The following ZBTB20 variants were observed in gnomAD, a reference collection of about 807,000 sequenced individuals.
ZBTB20 encodes zinc finger and BTB domain containing 20.
Under a neutral mutation model 56.9 loss-of-function variants are expected in ZBTB20, and 9 were observed. The observed-to-expected ratio is 0.16, with a 90% confidence interval of 0.10 to 0.28. The LOEUF (loss-of-function observed/expected upper bound fraction) is 0.28, where lower values mean the gene tolerates loss of function less well. Among genes scored for constraint, ZBTB20 ranks in the 10% least tolerant of loss-of-function variants. The pLI, the probability that ZBTB20 is intolerant of heterozygous loss-of-function variation, is 1.00. For missense variants in ZBTB20, 655 were observed against 1,003.0 expected (o/e 0.65, Z 4.69); for synonymous variants, 417 against 420.7 (o/e 0.99, Z 0.11).
intron 7 of ZBTB20, among the ~76,000 whole-genome samples, chr3:114,487,341 A>G (rs2042252482): frequency 6.6e-6 from 1 of 152,182 alleles, no homozygotes; most frequent in South Asian, 2.1e-4. Context: ...GTTCAGGTAG[A>G]GGATAAGCCA....
intron 5 of ZBTB20, among the ~76,000 whole-genome samples, chr3:114,707,601 A>G (rs16823111): frequency 6.6e-6 from 1 of 152,176 alleles, no homozygotes; most frequent in Non-Finnish European, 1.5e-5. Context: ...AAGCTACCAC[A>G]TGAAGGACCC....
chr3:114,525,563 A>T (rs1350906096), intron 6 of ZBTB20, among the ~76,000 whole-genome samples: 1 of 151,984 alleles, frequency 6.6e-6, no homozygotes, highest in Non-Finnish European at 1.5e-5. Flanking sequence ...AGGCCTGCTG[A>T]TTTCTCCCTC....
At chr3:114,975,790 G>A (rs1450762587) in intron 2 of ZBTB20, among the ~76,000 whole-genome samples, 2 of 152,118 alleles carry the variant, frequency 1.3e-5, no homozygotes, top group African/African-American at 4.8e-5. Flanking sequence ...AATTAATTTG[G>A]TAACTACATG....
At chr3:114,787,360 T>C (rs902398833) in intron 5 of ZBTB20, among the ~76,000 whole-genome samples, 1,741 of 96,122 alleles carry the variant, frequency 0.018, 104 homozygotes, top group East Asian at 0.14. Flanking sequence ...TATATATATA[T>C]ATATATATAC....
intron 2 of ZBTB20, among the ~76,000 whole-genome samples, chr3:115,014,293 G>A (rs1162726383): frequency 2.6e-5 from 4 of 151,516 alleles, no homozygotes; most frequent in Admixed American, 6.6e-5. Context: ...GGGAGAAGTG[G>A]GGATGGTTAA....
At chr3:114,545,548 A>G (rs1426501022) in intron 6 of ZBTB20, among the ~76,000 whole-genome samples, 1 of 152,202 alleles carries the variant, frequency 6.6e-6, no homozygotes, top group Non-Finnish European at 1.5e-5. Context: ...TAAATTAGGG[A>G]TAACAATATC....
At chr3:114,534,546 TCTAA>T (rs995417388) in intron 6 of ZBTB20, among the ~76,000 whole-genome samples, 10 of 152,114 alleles carry the variant, frequency 6.6e-5, no homozygotes, top group African/African-American at 2.4e-4. Context: ...AGTGGGAGAC[TCTAA>T]CAGCCCACTG....
chr3:114,378,910 T>A (rs2083982442), intron 10 of ZBTB20: 1 of 152,290 alleles, frequency 6.6e-6, no homozygotes, highest in Non-Finnish European at 1.5e-5. Context: ...CAACTTCGAC[T>A]GTTCAAATCA....
At chr3:114,673,556 C>G (rs1239487033) in intron 6 of ZBTB20, among the ~76,000 whole-genome samples, 1 of 151,946 alleles carries the variant, frequency 6.6e-6, no homozygotes, top group African/African-American at 2.4e-5. Flanking sequence ...AAACTGTTAT[C>G]ACGAAAAAGG....
intron 2 of ZBTB20, among the ~76,000 whole-genome samples, chr3:115,067,009 A>G (rs2082231611): frequency 6.6e-6 from 1 of 152,068 alleles, no homozygotes; most frequent in Non-Finnish European, 1.5e-5. Context: ...AGTACATTAA[A>G]TTATTATTCA....
intron 10 of ZBTB20, among the ~76,000 whole-genome samples, chr3:114,353,543 A>G (rs895837346): frequency 6.6e-6 from 1 of 152,190 alleles, no homozygotes; most frequent in Non-Finnish European, 1.5e-5. Context: ...GTTTTTACTT[A>G]TATAAGACAA....
chr3:114,856,953 G>A (rs537502117), intron 4 of ZBTB20, among the ~76,000 whole-genome samples: 7 of 152,114 alleles, frequency 4.6e-5, no homozygotes, highest in Admixed American at 1.3e-4. Context: ...GTCATGATAG[G>A]GCTGTAATAT....
In ZBTB20 at chr3:115,069,250, C is replaced by T. The variant is rs140464617; in HGVS notation, c.-507+1969G>A. The stretch of plus-strand genomic sequence containing the variant: ...TATTAGAATCAGTGTTCTACTACCA[C>T]ACAACTATTCTAGCTTAGCTAACAG... On this transcript the variant is annotated intron_variant, in intron 2 of 11. Coordinates refer to ENST00000675478, the MANE Select transcript of ZBTB20 (RefSeq NM_001348800.3). Among the ~76,000 whole-genome samples, 626 of 152,274 alleles carry T rather than the reference C, an allele frequency of 4.1e-3. 4 individuals are homozygous for T. Among genetic ancestry groups the T allele is most frequent in the African/African-American group, 0.014 (594 of 41,568 alleles).
intron 5 of ZBTB20, among the ~76,000 whole-genome samples, chr3:114,749,447 G>A (rs975213258): frequency 2.0e-5 from 3 of 152,038 alleles, no homozygotes; most frequent in African/African-American, 4.8e-5. Context: ...TGGCTACTTG[G>A]GAGGCAGAGG....
intron 1 of ZBTB20, among the ~76,000 whole-genome samples, chr3:115,143,954 T>TC (rs150573003): frequency 6.6e-6 from 1 of 152,156 alleles, no homozygotes; most frequent in Admixed American, 6.5e-5. Context: ...AAAAATCTCC[T>TC]CCCCTAACAA....
At chr3:114,805,566 C>A (rs910169413) in intron 4 of ZBTB20, among the ~76,000 whole-genome samples, 1 of 151,758 alleles carries the variant, frequency 6.6e-6, no homozygotes, top group Non-Finnish European at 1.5e-5. Context: ...AGGAGAATGT[C>A]TGCCAGGTTT....
intron 6 of ZBTB20, among the ~76,000 whole-genome samples, chr3:114,560,779 G>A (rs1040011134): frequency 6.6e-6 from 1 of 152,116 alleles, no homozygotes; most frequent in Non-Finnish European, 1.5e-5. Context: ...GAAGCTTGGG[G>A]TGGCTGTGGT....
chr3:114,463,814 C>T lies in ZBTB20; in HGVS notation c.-255+36538G>A, dbSNP rs569345223. 2.6e-5 allele frequency among the ~76,000 whole-genome samples: 4 copies of T among 152,210 alleles called. No homozygotes were observed. The East Asian group carries it at 7.7e-4, about 29-fold the overall frequency. ...TTTGTTAACCAAAATTGAATTTCGCCTAAGTTGAATTCATGTGAAGAGCTC... is the reference window on the plus strand; with the variant it reads ...TTTGTTAACCAAAATTGAATTTCGCTTAAGTTGAATTCATGTGAAGAGCTC... On this transcript the variant is annotated intron_variant, in intron 7 of 11. Coordinates refer to ENST00000675478, the MANE Select transcript of ZBTB20 (RefSeq NM_001348800.3).
intron 6 of ZBTB20, among the ~76,000 whole-genome samples, chr3:114,593,441 A>G (rs574409976): frequency 3.5e-4 from 52 of 149,348 alleles, no homozygotes; most frequent in African/African-American, 1.2e-3. Context: ...CTGGAGTGCA[A>G]TGGCGTGATC....
Sources: allele counts gnomAD v4.1 joint callset (sites outside exome capture counted in the v4.1 genomes callset), GRCh38; gene constraint gnomAD v4.1.1; transcripts MANE v1.5; gene names NCBI Gene and HGNC (gene_info 2026-07-23, HGNC 2026-07-21).